The following PLEKHG4B variants were observed in gnomAD, a reference collection of about 807,000 sequenced individuals.
PLEKHG4B encodes the protein pleckstrin homology domain-containing family G member 4B.
Under a neutral mutation model 121.3 loss-of-function variants are expected in PLEKHG4B, and 111 were observed. The observed-to-expected ratio is 0.92, with a 90% confidence interval of 0.78 to 1.07. The LOEUF is 1.07. Among genes scored for constraint, PLEKHG4B ranks in the 50% least tolerant of loss-of-function variants. The pLI is 0.00. For missense variants in PLEKHG4B, 1,831 were observed against 1,757.8 expected (o/e 1.04, Z -0.74); for synonymous variants, 738 against 725.0 (o/e 1.02, Z -0.29).
At chr5:125,751 C>G (rs1201391462) in intron 2 of PLEKHG4B, among the ~76,000 whole-genome samples, 2 of 152,294 alleles carry the variant, frequency 1.3e-5, no homozygotes, top group South Asian at 2.1e-4. Context: ...TCTTTGAGTT[C>G]ACCTTGCTGG....
At chr5:145,997 G>A (rs551609122) in intron 6 of PLEKHG4B, among the ~76,000 whole-genome samples, 1 of 152,068 alleles carries the variant, frequency 6.6e-6, no homozygotes, top group East Asian at 1.9e-4. Context: ...AGCACTGGCA[G>A]AGCTCACCAC....
At chr5:161,185 C>T (rs993954891) in intron 11 of PLEKHG4B, among the ~76,000 whole-genome samples, 6 of 152,192 alleles carry the variant, frequency 3.9e-5, no homozygotes, top group African/African-American at 7.2e-5. Context: ...GTCACCAGGG[C>T]GCGTAGCCAC....
chr5:133,106 C>T (rs927397369), intron 2 of PLEKHG4B, among the ~76,000 whole-genome samples: 1 of 152,150 alleles, frequency 6.6e-6, no homozygotes, highest in Non-Finnish European at 1.5e-5. Context: ...AGGTCTTTCA[C>T]CTCCTTGGTT....
At chr5:125,870 A>G (rs1734598770) in intron 2 of PLEKHG4B, among the ~76,000 whole-genome samples, 1 of 152,206 alleles carries the variant, frequency 6.6e-6, no homozygotes, top group Admixed American at 6.5e-5. Context: ...GTTTTGCTAG[A>G]TATGAGTCCT....
rs376479145 is a variant in PLEKHG4B at position 163,311 on chromosome 5, T to C, written c.3239T>C (p.Ile1080Thr). ...AGGAAACATCCCCAGAAGAAAATGA[T>C]AAAGAAAACGCAAAGTTTCGAGATA... ...RPRKHPQKKM[I>T]KKTQSFEIPQ... The change falls in exon 13 of 20, where the codon ATA becomes ACA. Residue 1080 changes from isoleucine to threonine, a missense_variant. Ile to Thr is a moderately conservative substitution (Grantham distance 89). Coordinates refer to ENST00000637938, the MANE Select transcript of PLEKHG4B (RefSeq NM_052909.5). 21 of 1,613,190 alleles carry C rather than the reference T, an allele frequency of 1.3e-5. No individual in the cohort carries two copies. The highest frequency in any genetic ancestry group is 1.7e-5 in the Non-Finnish European group (20 of 1,180,002).
intron 16 of PLEKHG4B, among the ~76,000 whole-genome samples, chr5:172,000 G>A (rs1466027634): frequency 6.6e-6 from 1 of 152,234 alleles, no homozygotes; most frequent in East Asian, 1.9e-4. Flanking sequence ...ATGCCCAAAA[G>A]GCCACGGGTG....
chr5:125,313 A>T (rs760108361), intron 2 of PLEKHG4B, among the ~76,000 whole-genome samples: 5 of 151,368 alleles, frequency 3.3e-5, no homozygotes, highest in Non-Finnish European at 7.4e-5. Flanking sequence ...TTTGTAGTAA[A>T]AGTCTTAAAT....
At chr5:127,286 A>G (rs575781043) in intron 2 of PLEKHG4B, among the ~76,000 whole-genome samples, 3 of 151,140 alleles carry the variant, frequency 2.0e-5, no homozygotes, top group Non-Finnish European at 2.9e-5. Context: ...TTCCCTCACT[A>G]TCTGCCTAAT....
intron 5 of PLEKHG4B, 102 bp downstream of exon 5, chr5:143,605 G>A: frequency 2.1e-6 from 3 of 1,435,888 alleles, no homozygotes; most frequent in Non-Finnish European, 2.9e-6. Flanking sequence ...TCCATGGCCA[G>A]ACTCTGCCTC....
Position 139,567 on chromosome 5 carries a change from C to G in PLEKHG4B, c.328C>G (p.His110Asp), listed in dbSNP as rs1376306065. Residue 110 changes from histidine to aspartate, a missense_variant, in exon 3 of 20, where the codon CAC becomes GAC. His to Asp is a moderately conservative substitution (Grantham distance 81, BLOSUM62 -1). Transcript: ENST00000637938. This position sits in a 1 kb window ranked among gnomAD's most constrained non-coding sequence, Gnocchi z 5.0. ...EKVVVQLASLHGVRLQPGDFY... is the reference protein window; with the variant it reads ...EKVVVQLASLDGVRLQPGDFY... ...GGTGGTGGTGCAGCTGGCGTCCCTG[C>G]ACGGAGTCAGGCTCCAGCCCGGGGA... 1 of 398,904 alleles carries G rather than the reference C, an allele frequency of 2.5e-6. No individual in the cohort carries two copies. Among genetic ancestry groups the G allele is most frequent in the Non-Finnish European group, 4.4e-6 (1 of 226,190 alleles). The allele number at this position is 398,904 out of a possible 1,614,324, so 24.7% of individuals were successfully genotyped here. A position where few individuals can be genotyped will look rare whatever the true frequency, so the allele number is the denominator to read the frequency against.
intron 1 of PLEKHG4B, among the ~76,000 whole-genome samples, chr5:95,496 G>A (rs762459809): frequency 1.1e-4 from 16 of 152,156 alleles, no homozygotes; most frequent in Non-Finnish European, 2.2e-4. Flanking sequence ...GCCAGATCTC[G>A]TTTACCCGGG....
chr5:181,714 G>A (rs1206987469), intron 19 of PLEKHG4B, 39 bp downstream of exon 19: 5 of 1,590,738 alleles, frequency 3.1e-6, no homozygotes, highest in Non-Finnish European at 3.4e-6. Context: ...ACCCTGCAGA[G>A]GGCACTGGGC....
At chr5:178,198 A>G (rs1273911206) in intron 18 of PLEKHG4B, among the ~76,000 whole-genome samples, 1 of 152,178 alleles carries the variant, frequency 6.6e-6, no homozygotes, top group Admixed American at 6.5e-5. Flanking sequence ...GCCTTCAATT[A>G]ACACTTTAGT....
intron 2 of PLEKHG4B, among the ~76,000 whole-genome samples, chr5:132,795 G>A (rs1266096886): frequency 6.6e-6 from 1 of 152,094 alleles, no homozygotes; most frequent in African/African-American, 2.4e-5. Flanking sequence ...AGTGACTCTG[G>A]CCTTATAGTA....
intron 2 of PLEKHG4B, among the ~76,000 whole-genome samples, chr5:128,890 G>A (rs747693242): frequency 1.4e-4 from 21 of 152,152 alleles, no homozygotes; most frequent in African/African-American, 2.4e-4. Flanking sequence ...CTGGAAGAAC[G>A]AGTTCAGGCC....
At position 151,499 on chromosome 5, in the gene PLEKHG4B, C is replaced by T. The variant is rs775160952; in HGVS notation, c.1906-14C>T. ...GAAAGCTAATCAGTAATATTTATTT[C>T]TTATTTATTTCAGAACAACACATCT... is the stretch of plus-strand genomic sequence containing the variant. On this transcript the variant is annotated splice_polypyrimidine_tract_variant and intron_variant, in intron 6 of 19. Coordinates refer to ENST00000637938, the MANE Select transcript of PLEKHG4B (RefSeq NM_052909.5). The T allele has an allele frequency of 6.7e-7, 1 of 1,496,108 alleles. No individual in the cohort carries two copies. The highest frequency in any genetic ancestry group is 1.2e-5 in the South Asian group (1 of 82,566). 92.7% of individuals were successfully genotyped at this position (1,496,108 alleles called of 1,614,324 possible). A position where few individuals can be genotyped will look rare whatever the true frequency, so the allele number is the denominator to read the frequency against.
intron 3 of PLEKHG4B, among the ~76,000 whole-genome samples, 197 bp from the exon 4 acceptor site, chr5:142,850 C>T (rs1228473822): frequency 6.6e-6 from 1 of 152,086 alleles, no homozygotes; most frequent in Non-Finnish European, 1.5e-5. Context: ...GATGACGCCG[C>T]GTGTCCGTGA....
At position 181,812 on chromosome 5, in the gene PLEKHG4B, A is replaced by G. The variant is rs1051697588; in HGVS notation, c.4564+137A>G. 5.4e-5 allele frequency: 72 copies of G among 1,336,324 alleles called. 1 individual carries two copies. In the African/African-American group the frequency reaches 9.6e-4, roughly 18 times the overall value. 82.8% of individuals were successfully genotyped at this position (1,336,324 alleles called of 1,614,324 possible). On this transcript the variant is annotated intron_variant, in intron 19 of 19. Transcript: ENST00000637938. ...CAGGCCTGTCGTCAAGGACACGGGT[A>G]CGGTGGCCTCGGCCCCGCCCTCACT...
At position 157,161 on chromosome 5, in the gene PLEKHG4B, T is replaced by A. The variant is rs1735812712; in HGVS notation, c.2487+250T>A. ...ATCCAGAGGAGGCCAGGGAGAAAAA[T>A]AATTTCACACTGTGCCTTCTGATGC... On this transcript the variant is annotated intron_variant, in intron 11 of 19. Transcript: ENST00000637938. This position sits in a 1 kb window ranked among gnomAD's most constrained non-coding sequence, Gnocchi z 4.6. 1 of 529,498 alleles carries A rather than the reference T, an allele frequency of 1.9e-6. No homozygotes were observed. Among genetic ancestry groups the A allele is most frequent in the African/African-American group, 1.9e-5 (1 of 52,146 alleles). The allele number at this position is 529,498 out of a possible 1,614,324, so 32.8% of individuals were successfully genotyped here.
Sources: gnomAD v4.1 joint callset for allele counts (sites outside exome capture counted in the v4.1 genomes callset) on GRCh38, gnomAD v4.1.1 for gene constraint, Gnocchi (gnomAD v3.1) non-coding constraint, MANE v1.5 for transcripts, NCBI Gene and HGNC (gene_info 2026-07-23, HGNC 2026-07-21) for gene names.